The following BATF2 variants were observed in gnomAD, a reference collection of about 807,000 sequenced individuals.
The protein encoded by BATF2 is basic leucine zipper transcriptional factor ATF-like 2.
In BATF2, 4 loss-of-function variants were observed where a neutral mutation model predicts 7.3. The observed-to-expected ratio is 0.55, with a 90% CI of 0.27 to 1.26. The LOEUF (loss-of-function observed/expected upper bound fraction) is 1.26. Among genes scored for constraint, BATF2 ranks in the 50% most tolerant of loss-of-function variants. The probability of loss-of-function intolerance (pLI) is 0.11; values close to 1 mark genes in which losing one functional copy is unlikely to be tolerated. For synonymous variants in BATF2, 152 were observed against 153.9 expected (o/e 0.99, Z 0.09); for missense variants, 295 against 340.5 (o/e 0.87, Z 1.05).
At chr11:64,993,963 C>T (rs1352686115) in intron 2 of BATF2, among the ~76,000 whole-genome samples, 1 of 152,044 alleles carries the variant, frequency 6.6e-6, no homozygotes, top group African/African-American at 2.4e-5. Flanking sequence ...GCCCAGCTAA[C>T]TATTTTTTAA....
At chr11:64,994,686 G>A in intron 1 of BATF2, 137 bp from the exon 2 acceptor site, 2 of 764,036 alleles carry the variant, frequency 2.6e-6, no homozygotes, top group East Asian at 5.4e-5. Flanking sequence ...AAGCTCCCTT[G>A]GCACCCACAC....
At position 64,988,547 on chromosome 11, in the gene BATF2, T is replaced by C. The variant is rs1019855780; in HGVS notation, c.*582A>G. The C allele has an allele frequency of 6.5e-6, 1 of 153,152 alleles. No homozygotes were observed. The highest frequency in any genetic ancestry group is 2.4e-5 in the African/African-American group (1 of 41,438). The allele number at this position is 153,152 out of a possible 1,614,324, so 9.5% of individuals were successfully genotyped here. A position where few individuals can be genotyped will look rare whatever the true frequency, so the allele number is the denominator to read the frequency against. ...AACTCCAGCTCACAGTTTCAGCTTC[T>C]TGGCACTGAAAACACTACTAGGGGA... On this transcript the variant is annotated 3_prime_UTR_variant, in exon 3 of 3. Coordinates refer to ENST00000301887, the MANE Select transcript of BATF2 (RefSeq NM_138456.4).
In BATF2 at chr11:64,989,855, G is replaced by T; in HGVS notation, c.142-43C>A. 3.1e-6 allele frequency: 5 copies of T among 1,606,054 alleles called. No homozygotes were observed. In the East Asian group the frequency reaches 1.1e-4, roughly 36 times the overall value. ...GGCGGGGAGGGGAACCTCAGCCAGT[G>T]TCAGGGGCCCCGCATGAGCCTTAGC... is the stretch of plus-strand genomic sequence containing the variant. On this transcript the variant is annotated intron_variant, in intron 2 of 2. Coordinates refer to ENST00000301887, the MANE Select transcript of BATF2 (RefSeq NM_138456.4). This position sits in a 1 kb window ranked among gnomAD's most constrained non-coding sequence, Gnocchi z 4.3.
chr11:64,990,166 A>G lies in BATF2; in HGVS notation c.142-354T>C, dbSNP rs764455256. On this transcript the variant is annotated intron_variant, in intron 2 of 2. Transcript: ENST00000301887. The stretch of plus-strand genomic sequence containing the variant: ...ATTCAGCAACCATGTCATTAATTGC[A>G]GGTTAAAGCCCTTTAGAGGCACCCA... 7 of 1,535,738 alleles carry G rather than the reference A, an allele frequency of 4.6e-6. No individual in the cohort carries two copies. In the South Asian group the frequency reaches 8.3e-5, roughly 18 times the overall value.
rs1054002268 is a variant in BATF2 at position 64,994,370 on chromosome 11, A to T, written c.141+78T>A. 1.9e-5 allele frequency: 27 copies of T among 1,397,180 alleles called. No individual in the cohort carries two copies. The South Asian group carries it at 2.1e-4, about 11-fold the overall frequency. The allele number at this position is 1,397,180 out of a possible 1,614,324, so 86.5% of individuals were successfully genotyped here. On this transcript the variant is annotated intron_variant, in intron 2 of 2. Coordinates refer to ENST00000301887, the MANE Select transcript of BATF2 (RefSeq NM_138456.4). Reference sequence around the variant, plus strand: ...ACAGGAGTTTGGGGGAGGTCTGCTCAAAGGTGGGATGGAGAAGAGGTGGCT... The same window carrying T: ...ACAGGAGTTTGGGGGAGGTCTGCTCTAAGGTGGGATGGAGAAGAGGTGGCT...
chr11:64,993,778 C>T (rs920438604), intron 2 of BATF2, among the ~76,000 whole-genome samples: 5 of 151,810 alleles, frequency 3.3e-5, no homozygotes, highest in Admixed American at 2.6e-4. Context: ...TGAGGTGGGA[C>T]CTGGCAGAGG....
Position 64,989,967 on chromosome 11 carries a change from C to T in BATF2, c.142-155G>A, listed in dbSNP as rs886782017. ...GTCTCTTGGCCACTCTCTGGCCAGCCCTTCATAACCACCTACCAAGTCTCC... is the reference window on the plus strand; with the variant it reads ...GTCTCTTGGCCACTCTCTGGCCAGCTCTTCATAACCACCTACCAAGTCTCC... On this transcript the variant is annotated intron_variant, in intron 2 of 2. Transcript: ENST00000301887. This position sits in a 1 kb window ranked among gnomAD's most constrained non-coding sequence, Gnocchi z 4.3. The T allele has an allele frequency of 6.8e-7, 1 of 1,468,866 alleles. No homozygotes were observed. Among genetic ancestry groups the T allele is most frequent in the East Asian group, 2.5e-5 (1 of 40,384 alleles). 91.0% of individuals were successfully genotyped at this position (1,468,866 alleles called of 1,614,324 possible).
At position 64,989,007 on chromosome 11, in the gene BATF2, G is replaced by T; in HGVS notation, c.*122C>A. Reference sequence around the variant, plus strand: ...CAGTGGTGGCTTCCTTTTCGACTGTGAAATCCTGGGCCAGCTGGTCAGCCA... The same window carrying T: ...CAGTGGTGGCTTCCTTTTCGACTGTTAAATCCTGGGCCAGCTGGTCAGCCA... On this transcript the variant is annotated 3_prime_UTR_variant, in exon 3 of 3. Coordinates refer to ENST00000301887, the MANE Select transcript of BATF2 (RefSeq NM_138456.4). The surrounding 1 kb of genome is among the most constrained non-coding windows in gnomAD (Gnocchi z 4.3). 8.8e-7 allele frequency: 1 copy of T among 1,136,180 alleles called. No individual in the cohort carries two copies. The highest frequency in any genetic ancestry group is 2.4e-5 in the East Asian group (1 of 41,578). The allele number at this position is 1,136,180 out of a possible 1,614,324, so 70.4% of individuals were successfully genotyped here.
chr11:64,989,641 C>A lies in BATF2; in HGVS notation c.313G>T (p.Gly105Trp). The change falls in exon 3 of 3, where the codon GGG becomes TGG. Residue 105 changes from glycine to tryptophan, a missense_variant. Coordinates refer to ENST00000301887, the MANE Select transcript of BATF2 (RefSeq NM_138456.4). This position sits in a 1 kb window ranked among gnomAD's most constrained non-coding sequence, Gnocchi z 4.3. The stretch of plus-strand genomic sequence containing the variant: ...CCCTGTGGGCCAGGGCCCAGGAGCC[C>A]CTCAGCCTGGTCCCAGCAGCCCAGG... ...GLLGCWDQAE[G>W]LLGPGPQGQH... The A allele has an allele frequency of 6.2e-7, 1 of 1,612,788 alleles. No homozygotes were observed. The highest frequency in any genetic ancestry group is 2.2e-5 in the East Asian group (1 of 44,832).
intron 2 of BATF2, among the ~76,000 whole-genome samples, chr11:64,991,377 G>A (rs561242701): frequency 6.6e-6 from 1 of 151,614 alleles, no homozygotes; most frequent in East Asian, 1.9e-4. Context: ...GGCTGGTCTC[G>A]AACTCCTGAC....
rs1946058916 is a variant in BATF2 at position 64,989,755 on chromosome 11, G to A, written c.199C>T (p.Gln67Ter). The change falls in exon 3 of 3, where the codon CAG (glutamine) becomes TAG (stop). Residue 67 changes from glutamine (Q) to a stop codon, truncating the protein, a stop_gained. Transcript: ENST00000301887. LOFTEE classifies it low-confidence loss of function (END_TRUNC). The surrounding 1 kb of genome is among the most constrained non-coding windows in gnomAD (Gnocchi z 4.3). ...LALRKEIQSLQAELAWWSRTL... is the reference protein window; with the variant it reads ...LALRKEIQSL ...CGGCTCCACCACGCCAGCTCGGCCT[G>A]CAGGGACTGGATCTCCTTCCGCAGG... 1.2e-6 allele frequency: 2 copies of A among 1,614,042 alleles called. No individual in the cohort carries two copies. Among genetic ancestry groups the A allele is most frequent in the Non-Finnish European group, 1.7e-6 (2 of 1,180,032 alleles).
intron 1 of BATF2, among the ~76,000 whole-genome samples, chr11:64,996,149 C>T (rs866287065): frequency 1.3e-5 from 2 of 151,874 alleles, no homozygotes; most frequent in African/African-American, 2.4e-5. Flanking sequence ...TTAATAGAGA[C>T]GGGGTTTCAC....
chr11:64,991,153 ATTTTTTTT>A (rs986602706), intron 2 of BATF2, among the ~76,000 whole-genome samples: 1 of 113,022 alleles, frequency 8.8e-6, no homozygotes, highest in African/African-American at 3.3e-5. Context: ...GGAATGATGA[ATTTTTTTT>A]TTTTTTTTTT....
intron 1 of BATF2, among the ~76,000 whole-genome samples, chr11:64,994,992 G>A (rs1946100740): frequency 6.6e-6 from 1 of 152,104 alleles, no homozygotes; most frequent in African/African-American, 2.4e-5. Flanking sequence ...GGGACTACAG[G>A]CACCTGCCAC....
At chr11:64,992,358 C>T (rs1053097329) in intron 2 of BATF2, among the ~76,000 whole-genome samples, 2 of 152,192 alleles carry the variant, frequency 1.3e-5, no homozygotes, top group African/African-American at 4.8e-5. Context: ...TGAGCCACCG[C>T]GCCTGGCTCA....
intron 1 of BATF2, 83 bp from the exon 2 acceptor site, chr11:64,994,632 T>A: frequency 7.5e-7 from 1 of 1,337,708 alleles, no homozygotes; most frequent in South Asian, 1.3e-5. Flanking sequence ...TAAAGCCAAG[T>A]CTTTCCCCTT....
chr11:64,996,702 G>C (rs551742705), intron 1 of BATF2, among the ~76,000 whole-genome samples, 174 bp downstream of exon 1: 1 of 152,342 alleles, frequency 6.6e-6, no homozygotes, highest in African/African-American at 2.4e-5. Flanking sequence ...ATCCAATCCC[G>C]ACTTCGGGGG....
Position 64,989,602 on chromosome 11 carries a change from G to A in BATF2, c.352C>T (p.Arg118Trp), listed in dbSNP as rs373876947. 2.1e-5 allele frequency: 34 copies of A among 1,605,478 alleles called. No homozygotes were observed. Among genetic ancestry groups the A allele is most frequent in the Middle Eastern group, 3.3e-4 (2 of 6,056 alleles). The change falls in exon 3 of 3, where the codon CGG (arginine) becomes TGG (tryptophan). Residue 118 changes from arginine (R) to tryptophan (W), a missense_variant. Physicochemically the swap from Arg to Trp is moderately radical, Grantham distance 101 (BLOSUM62 -3). Transcript: ENST00000301887. This position sits in a 1 kb window ranked among gnomAD's most constrained non-coding sequence, Gnocchi z 4.3. Reference protein sequence around the residue: ...GPGPQGQHGCREQLELFQTPG... With the variant: ...GPGPQGQHGCWEQLELFQTPG... ...GTCTGGAACAGCTCCAGCTGCTCCC[G>A]GCAGCCATGTTGTCCCTGTGGGCCA...
chr11:64,992,030 TTG>T (rs781611669), intron 2 of BATF2, among the ~76,000 whole-genome samples: 115 of 152,168 alleles, frequency 7.6e-4, no homozygotes, highest in Non-Finnish European at 1.4e-3. Flanking sequence ...CCTTTTTTTG[TTG>T]TTGTTGTTGT....
Sources: allele counts gnomAD v4.1 joint callset (sites outside exome capture counted in the v4.1 genomes callset), GRCh38; gene constraint gnomAD v4.1.1; non-coding constraint Gnocchi (gnomAD v3.1); transcripts MANE v1.5; gene names NCBI Gene and HGNC (gene_info 2026-07-23, HGNC 2026-07-21).